VRK2: variants seen among roughly 807,000 people sequenced by gnomAD.
VRK2 encodes the protein serine/threonine-protein kinase VRK2.
In VRK2, 60 loss-of-function variants were observed where a neutral mutation model predicts 57.6. That is an observed-to-expected ratio of 1.04 (90% CI 0.85 to 1.29). The LOEUF (loss-of-function observed/expected upper bound fraction) is 1.29. VRK2 is among the 50% of genes most tolerant of loss of function. The pLI is 0.00. For missense variants in VRK2, 705 were observed against 588.1 expected, an observed-to-expected ratio of 1.20 and a Z score of -2.06; for synonymous variants, 231 against 199.2, an observed-to-expected ratio of 1.16 and a Z score of -1.35.
intron 1 of VRK2, among the ~76,000 whole-genome samples, chr2:57,987,953 A>T (rs1558527591): frequency 6.6e-6 from 1 of 152,210 alleles, no homozygotes; most frequent in Non-Finnish European, 1.5e-5. Flanking sequence ...GGAAAAGTCA[A>T]AACTACTGAG....
At chr2:57,996,502 T>A (rs1672927161) in intron 1 of VRK2, among the ~76,000 whole-genome samples, 1 of 152,244 alleles carries the variant, frequency 6.6e-6, no homozygotes, top group Non-Finnish European at 1.5e-5. Flanking sequence ...TAGGTATTGG[T>A]CATATCCTGA....
Position 57,919,481 on chromosome 2 carries a change from A to G in VRK2, c.-439+11642A>G, listed in dbSNP as rs1234334388. ...CAGTCACTTTTTCAAATTGGAGAAT[A>G]CAGTAATAGTTTTAAGAGTATACCC... On this transcript the variant is annotated intron_variant, in intron 1 of 15. Transcript: ENST00000417641. Among the ~76,000 whole-genome samples, 5 of 152,198 alleles carry G rather than the reference A, an allele frequency of 3.3e-5. No individual in the cohort carries two copies. The South Asian group carries it at 8.3e-4, about 25-fold the overall frequency.
intron 1 of VRK2, among the ~76,000 whole-genome samples, chr2:57,953,086 G>C: frequency 6.6e-6 from 1 of 152,314 alleles, no homozygotes; most frequent in Non-Finnish European, 1.5e-5. Flanking sequence ...AAGACAAAAG[G>C]TGAGGAGGAG....
chr2:58,100,437 G>A (rs953745786), intron 7 of VRK2, among the ~76,000 whole-genome samples: 5 of 151,812 alleles, frequency 3.3e-5, no homozygotes, highest in Non-Finnish European at 5.9e-5. Context: ...TTACTAGGTG[G>A]TATAGCTGGT....
chr2:58,118,775 A>G (rs1241345830), intron 7 of VRK2, among the ~76,000 whole-genome samples: 1 of 152,172 alleles, frequency 6.6e-6, no homozygotes, highest in Non-Finnish European at 1.5e-5. Context: ...ACCTGGGTGC[A>G]GGCGGTTGAG....
At chr2:58,091,414 A>C (rs1672360618) in intron 7 of VRK2, among the ~76,000 whole-genome samples, 1 of 152,130 alleles carries the variant, frequency 6.6e-6, no homozygotes, top group African/African-American at 2.4e-5. Context: ...TCTGTTTAAA[A>C]AATGTAGATT....
At chr2:57,996,139 A>T (rs908089989) in intron 1 of VRK2, among the ~76,000 whole-genome samples, 10 of 152,244 alleles carry the variant, frequency 6.6e-5, no homozygotes, top group African/African-American at 2.4e-4. Context: ...CATTTTATAC[A>T]AGGGACTTAA....
At chr2:57,996,600 T>C (rs1672930415) in intron 1 of VRK2, among the ~76,000 whole-genome samples, 1 of 152,232 alleles carries the variant, frequency 6.6e-6, no homozygotes, top group Non-Finnish European at 1.5e-5. Context: ...TGGATACAAC[T>C]GTATTCACAA....
chr2:57,966,973 T>C lies in VRK2; in HGVS notation c.-438-58692T>C, dbSNP rs186033775. ...ATGTGATCAGCAGGAGAGAGTCTAG[T>C]AGAAACGTTCGGTTTGAGAGGAATT... On this transcript the variant is annotated intron_variant, in intron 1 of 15. Transcript: ENST00000417641. Among the ~76,000 whole-genome samples the C allele has an allele frequency of 1.1e-3, 174 of 152,280 alleles. 2 individuals are homozygous for C. The highest frequency in any genetic ancestry group is 1.6e-4 in the Non-Finnish European group (11 of 68,010).
chr2:58,073,935 C>T (rs1488297819), intron 2 of VRK2, among the ~76,000 whole-genome samples: 2 of 151,974 alleles, frequency 1.3e-5, no homozygotes, highest in Non-Finnish European at 1.5e-5. Flanking sequence ...ATTGGGCCCA[C>T]CCAGATTAAG....
chr2:58,110,292 T>C (rs919081789), intron 7 of VRK2, among the ~76,000 whole-genome samples: 10 of 152,220 alleles, frequency 6.6e-5, no homozygotes, highest in African/African-American at 2.4e-4. Flanking sequence ...AAGGCTTTTC[T>C]TCAAAACAGA....
intron 2 of VRK2, among the ~76,000 whole-genome samples, chr2:58,066,215 A>G (rs1020529882): frequency 6.6e-6 from 1 of 152,190 alleles, no homozygotes; most frequent in Non-Finnish European, 1.5e-5. Context: ...GCTTCTCACT[A>G]TTCAGTGTGA....
chr2:57,933,401 C>T (rs1670803209), intron 1 of VRK2, among the ~76,000 whole-genome samples: 1 of 146,328 alleles, frequency 6.8e-6, no homozygotes, highest in Admixed American at 6.8e-5. Context: ...CAACCTCTGC[C>T]TCCCAGGTTC....
intron 1 of VRK2, among the ~76,000 whole-genome samples, chr2:58,001,063 A>C (rs970907423): frequency 2.6e-5 from 4 of 152,244 alleles, no homozygotes; most frequent in Non-Finnish European, 5.9e-5. Context: ...TCAAAATAAT[A>C]AACCACTTCT....
At chr2:58,003,865 ATTG>A (rs1673162855) in intron 1 of VRK2, among the ~76,000 whole-genome samples, 1 of 152,114 alleles carries the variant, frequency 6.6e-6, no homozygotes. Context: ...CTTTCTAATA[ATTG>A]TTTACTATAA....
intron 8 of VRK2, among the ~76,000 whole-genome samples, chr2:58,126,921 T>A (rs77134416): frequency 2.1e-3 from 318 of 152,094 alleles, no homozygotes; most frequent in Non-Finnish European, 4.2e-3. Flanking sequence ...TTTTGTAGAT[T>A]TTTCTACTCA....
At chr2:58,013,424 A>G (rs941715090) in intron 1 of VRK2, among the ~76,000 whole-genome samples, 7 of 152,258 alleles carry the variant, frequency 4.6e-5, no homozygotes, top group Non-Finnish European at 8.8e-5. Context: ...GCTAGAAATA[A>G]GTCAAAATGC....
At chr2:58,052,409 G>A (rs1438435972) in intron 2 of VRK2, among the ~76,000 whole-genome samples, 1 of 151,976 alleles carries the variant, frequency 6.6e-6, no homozygotes, top group Non-Finnish European at 1.5e-5. Context: ...GCTCCATCCA[G>A]CCTGGGCAAC....
chr2:58,035,942 T>C (rs1335005720), intron 3 of VRK2, among the ~76,000 whole-genome samples: 1 of 152,086 alleles, frequency 6.6e-6, no homozygotes, highest in Non-Finnish European at 1.5e-5. Flanking sequence ...TGGGGAATTA[T>C]CTTAGAAGAC....
Sources: gnomAD v4.1 joint callset for allele counts (sites outside exome capture counted in the v4.1 genomes callset) on GRCh38, gnomAD v4.1.1 for gene constraint, MANE v1.5 for transcripts, NCBI Gene and HGNC (gene_info 2026-07-23, HGNC 2026-07-21) for gene names.